The following LTA4H variants were observed in gnomAD, a reference collection of about 807,000 sequenced individuals.
LTA4H encodes the protein leukotriene A4 hydrolase, also known as leukotriene A-4 hydrolase.
LTA4H carries 59 observed loss-of-function variants against 89.8 expected under a neutral mutation model. The ratio of observed to expected loss-of-function variants is 0.66; its 90% CI spans 0.53 to 0.82. LTA4H has a LOEUF of 0.82. LTA4H is among the 40% of genes least tolerant of loss of function. The pLI, the probability that LTA4H is intolerant of heterozygous loss-of-function variation, is 0.00. For missense variants in LTA4H, 617 were observed against 727.0 expected (o/e 0.85, Z 1.74); for synonymous variants, 227 against 253.1 (o/e 0.90, Z 0.98).
At chr12:96,035,739 A>G (rs1950635217), upstream of LTA4H, 3 of 1,232,726 alleles carry the variant, frequency 2.4e-6, no homozygotes, top group African/African-American at 4.6e-5. Context: ...GCGCTTGGCT[A>G]CCTGGGAGCG....
intron 2 of LTA4H, chr12:96,027,786 C>T (rs1950528742): frequency 3.6e-6 from 1 of 276,818 alleles, no homozygotes; most frequent in East Asian, 7.3e-5. Context: ...ATGCTAACTG[C>T]TAGCGAAGGC....
At chr12:96,040,892 C>T (rs998527828) in intron 1 of LTA4H, among the ~76,000 whole-genome samples, 22 of 152,196 alleles carry the variant, frequency 1.4e-4, no homozygotes, top group African/African-American at 5.3e-4. Context: ...TGTTGGTTTT[C>T]CACCACATTA....
chr12:96,016,755 G>A (rs1324665332), intron 10 of LTA4H, among the ~76,000 whole-genome samples: 1 of 152,044 alleles, frequency 6.6e-6, no homozygotes, highest in Non-Finnish European at 1.5e-5. Flanking sequence ...CAAAAAATTA[G>A]CTGGGCGTGG....
At position 96,003,231 on chromosome 12, in the gene LTA4H, T is replaced by A. The variant is rs538782930; in HGVS notation, c.1614-167A>T. On this transcript the variant is annotated intron_variant, in intron 17 of 18. Transcript: ENST00000228740. Reference sequence around the variant, plus strand: ...ATTCTGAGACTCTCAAATCCTTATATATACAATTTAATAATTGGTGAAGAG... The same window carrying A: ...ATTCTGAGACTCTCAAATCCTTATAAATACAATTTAATAATTGGTGAAGAG... Among the ~76,000 whole-genome samples, 9 of 152,350 alleles carry A rather than the reference T, an allele frequency of 5.9e-5. No homozygotes were observed. In the East Asian group the frequency reaches 1.7e-3, roughly 29 times the overall value.
At position 96,035,515 on chromosome 12, in the gene LTA4H, G is replaced by A. The variant is rs1950631568; in HGVS notation, c.5C>T (p.Pro2Leu). M[P>L]EIVDTCSLAS... ...CAACGAACAGGTATCCACTATCTCG[G>A]GCATGGCTCTGGGGGATCACACAGC... Residue 2 changes from proline to leucine, a missense_variant, in exon 1 of 19, where the codon CCC becomes CTC. Physicochemically the swap from Pro to Leu is moderately conservative, Grantham distance 98. This residue lies in a region of LTA4H where 155 missense variants were observed against 143.3 expected (regional missense o/e 1.08). Transcript: ENST00000228740. The A allele has an allele frequency of 6.2e-7, 1 of 1,604,204 alleles. No homozygotes were observed. The highest frequency in any genetic ancestry group is 8.5e-7 in the Non-Finnish European group (1 of 1,175,272).
intron 16 of LTA4H, 54 bp downstream of exon 16, chr12:96,006,260 A>G: frequency 9.0e-7 from 1 of 1,115,898 alleles, no homozygotes; most frequent in Non-Finnish European, 1.3e-6. Flanking sequence ...GTAGAACATA[A>G]ATGCTGTGCC....
At chr12:96,030,001 T>C (rs767098597) in intron 1 of LTA4H, among the ~76,000 whole-genome samples, 2 of 152,100 alleles carry the variant, frequency 1.3e-5, no homozygotes, top group Non-Finnish European at 2.9e-5. Flanking sequence ...CTACTTCTAC[T>C]TCTTCATTAA....
chr12:96,015,032 T>G (rs371719478), intron 11 of LTA4H, 33 bp from the exon 12 acceptor site: 19 of 1,599,400 alleles, frequency 1.2e-5, no homozygotes, highest in Non-Finnish European at 1.5e-5. Context: ...GAGAAACATA[T>G]AGAAAGACTG....
At chr12:96,016,899 CAAAA>C in intron 10 of LTA4H, 141 bp downstream of exon 10, 1 of 513,296 alleles carries the variant, frequency 1.9e-6, no homozygotes, top group Non-Finnish European at 3.4e-6. Context: ...GACTCCATGT[CAAAA>C]AAAAAAAAAA....
In LTA4H at chr12:96,017,549, T is replaced by C. The variant is rs769295112; in HGVS notation, c.876+8A>G. On this transcript the variant is annotated splice_region_variant and intron_variant, in intron 9 of 18. Coordinates refer to ENST00000228740, the MANE Select transcript of LTA4H (RefSeq NM_000895.3). ...AAGGTAAGGCCATAATGAAAAAGTT[T>C]AACTTACATTGGAGAGTGACTTGTC... The C allele has an allele frequency of 2.7e-5, 44 of 1,608,370 alleles. No individual in the cohort carries two copies. In the South Asian group the frequency reaches 4.4e-4, roughly 16 times the overall value.
intron 1 of LTA4H, among the ~76,000 whole-genome samples, chr12:96,030,260 A>G (rs1950557911): frequency 6.6e-6 from 1 of 152,084 alleles, no homozygotes; most frequent in African/African-American, 2.4e-5. Flanking sequence ...AAATATGGAT[A>G]TGTCCCAATG....
rs1022269484 is a variant in LTA4H, at chr12:96,022,463, A to T, written c.481-212T>A. On this transcript the variant is annotated intron_variant, in intron 4 of 18. Transcript: ENST00000228740. This position sits in a 1 kb window ranked among gnomAD's most constrained non-coding sequence, Gnocchi z 4.0. ...GATGTGTATATATATGCACACATAT[A>T]TATGTGTATATATATAAAACACATA... is the stretch of plus-strand genomic sequence containing the variant. Among the ~76,000 whole-genome samples the T allele has an allele frequency of 1.3e-5, 2 of 152,152 alleles. No individual in the cohort carries two copies. The highest frequency in any genetic ancestry group is 4.8e-5 in the African/African-American group (2 of 41,422).
chr12:96,017,782 TA>T (rs1950399070), intron 8 of LTA4H, among the ~76,000 whole-genome samples: 1 of 152,242 alleles, frequency 6.6e-6, no homozygotes, highest in African/African-American at 2.4e-5. Flanking sequence ...TTTCTTGCCC[TA>T]ATTCTAGGGA....
Position 96,022,326 on chromosome 12 carries a change from C to T in LTA4H, c.481-75G>A. On this transcript the variant is annotated intron_variant, in intron 4 of 18. Coordinates refer to ENST00000228740, the MANE Select transcript of LTA4H (RefSeq NM_000895.3). The surrounding 1 kb of genome is among the most constrained non-coding windows in gnomAD (Gnocchi z 4.0). Reference sequence around the variant, plus strand: ...GTCTTAAACCATATATGTAAAATAACCTTTTCTTCCCATTCTTGACTATCT... The same window carrying T: ...GTCTTAAACCATATATGTAAAATAATCTTTTCTTCCCATTCTTGACTATCT... 1 of 923,212 alleles carries T rather than the reference C, an allele frequency of 1.1e-6. No individual in the cohort carries two copies. The highest frequency in any genetic ancestry group is 1.5e-5 in the South Asian group (1 of 67,706). The allele number at this position is 923,212 out of a possible 1,614,324, so 57.2% of individuals were successfully genotyped here.
intron 9 of LTA4H, 92 bp downstream of exon 9, chr12:96,017,465 A>G: frequency 8.9e-7 from 1 of 1,124,886 alleles, no homozygotes; most frequent in Admixed American, 2.0e-5. Flanking sequence ...CATTATAACC[A>G]TATCTTTAAC....
chr12:96,003,965 T>A (rs1950152373), intron 16 of LTA4H, 45 bp from the exon 17 acceptor site: 1 of 1,208,686 alleles, frequency 8.3e-7, no homozygotes, highest in Non-Finnish European at 1.2e-6. Flanking sequence ...TCAACAGGAT[T>A]CCTTGGAAGA....
At chr12:96,013,009 AT>A in intron 14 of LTA4H, 178 bp downstream of exon 14, 3 of 514,682 alleles carry the variant, frequency 5.8e-6, no homozygotes, top group Non-Finnish European at 1.1e-5. Context: ...GAAAAACCAT[AT>A]TTGTAAACTG....
chr12:96,021,114 A>C lies in LTA4H; in HGVS notation c.609T>G (p.Ile203Met), dbSNP rs1376288971. Reference sequence around the variant, plus strand: ...TTTCTAAAGCTCCAACAACTAAAGCAATCAGGTAGCAGGGTATTGGAACCT... The same window carrying C: ...TTTCTAAAGCTCCAACAACTAAAGCCATCAGGTAGCAGGGTATTGGAACCT... ...IQKVPIPCYL[I>M]ALVVGALESR... is the part of the protein sequence containing the mutation. The change falls in exon 6 of 19, where the codon ATT becomes ATG. Residue 203 changes from isoleucine to methionine, a missense_variant. Ile to Met is a conservative substitution (Grantham distance 10). Coordinates refer to ENST00000228740, the MANE Select transcript of LTA4H (RefSeq NM_000895.3). 1 of 1,601,758 alleles carries C rather than the reference A, an allele frequency of 6.2e-7. No homozygotes were observed.
chr12:96,024,668 GA>G (rs1394475347), intron 3 of LTA4H, 121 bp from the exon 4 acceptor site: 73 of 562,626 alleles, frequency 1.3e-4, no homozygotes, highest in African/African-American at 1.1e-3. Flanking sequence ...CATTTCTTGG[GA>G]TTTTTTTTTT....
Sources: gnomAD v4.1 joint callset for allele counts (sites outside exome capture counted in the v4.1 genomes callset) on GRCh38, gnomAD v4.1.1 for gene constraint, gnomAD v4.1.1 regional missense constraint, Gnocchi (gnomAD v3.1) non-coding constraint, MANE v1.5 for transcripts, NCBI Gene and HGNC (gene_info 2026-07-23, HGNC 2026-07-21) for gene names.